Variants in GABRA3 observed in about 807,000 individuals in gnomAD.
GABRA3 encodes gamma-aminobutyric acid type A receptor subunit alpha3, also known as gamma-aminobutyric acid receptor subunit alpha-3.
In GABRA3, 10 loss-of-function variants were observed where a neutral mutation model predicts 30.1. The observed-to-expected ratio is 0.33, with a 90% CI of 0.20 to 0.56. The LOEUF is 0.56. Among genes scored for constraint, GABRA3 ranks in the 20% least tolerant of loss-of-function variants. GABRA3 has a pLI of 0.89. For synonymous variants in GABRA3, 151 were observed against 146.8 expected (o/e 1.03, Z -0.21); for missense variants, 233 against 392.0 (o/e 0.59, Z 3.42).
chrX:152,394,339 T>C, intron 1 of GABRA3: 1 of 365,621 alleles, frequency 2.7e-6, no homozygotes, highest in Non-Finnish European at 5.6e-6. Flanking sequence ...CTGACAGACA[T>C]GATACCAGAT....
chrX:152,412,184 G>C (rs190480435), intron 1 of GABRA3, among the ~76,000 whole-genome samples: 1 of 111,718 alleles, frequency 9.0e-6, no homozygotes, highest in Non-Finnish European at 1.9e-5. Context: ...TGTTCATAAA[G>C]ATATGGAAAG....
At chrX:152,299,182 CA>C (rs778558322) in intron 3 of GABRA3, among the ~76,000 whole-genome samples, 8 of 109,604 alleles carry the variant, frequency 7.3e-5, no homozygotes, top group South Asian at 3.9e-4. Context: ...GAAAAAGAAA[CA>C]AAAAAAAGGA....
At chrX:152,284,291 G>A (rs1190366754) in intron 4 of GABRA3, among the ~76,000 whole-genome samples, 1 of 111,637 alleles carries the variant, frequency 9.0e-6, no homozygotes, top group Admixed American at 9.6e-5. Flanking sequence ...ACCACCAGCT[G>A]CTTTACTGAG....
chrX:152,335,189 C>T lies in GABRA3; in HGVS notation c.262+10392G>A, dbSNP rs371522800. 6.3e-5 allele frequency among the ~76,000 whole-genome samples: 7 copies of T among 111,315 alleles called. No individual in the cohort carries two copies. In the South Asian group the frequency reaches 2.7e-3, roughly 42 times the overall value. ...TGCTCAAAAATGCAAGCTGAGGAGA[C>T]CTGGGGCCACTGCCATCACCCCTCT... On this transcript the variant is annotated intron_variant, in intron 3 of 9. Transcript: ENST00000370314.
At chrX:152,400,212 G>C (rs1200504507) in intron 1 of GABRA3, among the ~76,000 whole-genome samples, 1 of 111,494 alleles carries the variant, frequency 9.0e-6, no homozygotes, top group African/African-American at 3.3e-5. Flanking sequence ...GCTGGGCACA[G>C]TGGCTCACTC....
chrX:152,311,920 C>A (rs1939805066), intron 3 of GABRA3, among the ~76,000 whole-genome samples: 1 of 110,817 alleles, frequency 9.0e-6, no homozygotes, highest in African/African-American at 3.3e-5. Context: ...CAAAAGCATC[C>A]AAGCTGAAAG....
intron 1 of GABRA3, among the ~76,000 whole-genome samples, chrX:152,390,015 T>G (rs1448512048): frequency 9.0e-6 from 1 of 111,336 alleles, no homozygotes; most frequent in East Asian, 2.8e-4. Context: ...GGAACAAAGA[T>G]TTGGGGGCAA....
chrX:152,332,399 G>T (rs1940176978), intron 3 of GABRA3, among the ~76,000 whole-genome samples: 1 of 111,787 alleles, frequency 8.9e-6, no homozygotes. Context: ...GAGAGGTTAT[G>T]CCCTTTCTGT....
At chrX:152,226,041 T>C (rs1365556928) in intron 5 of GABRA3, among the ~76,000 whole-genome samples, 1 of 111,275 alleles carries the variant, frequency 9.0e-6, no homozygotes, top group Non-Finnish European at 1.9e-5. Context: ...GCCTCACTTC[T>C]ATGCAATTAC....
chrX:152,347,353 G>A (rs750546227), intron 2 of GABRA3, among the ~76,000 whole-genome samples: 1 of 111,749 alleles, frequency 8.9e-6, no homozygotes, highest in South Asian at 3.8e-4. Context: ...AAGGATAGTG[G>A]AGTGGTTGAG....
intron 1 of GABRA3, among the ~76,000 whole-genome samples, chrX:152,433,324 G>A (rs1930695114): frequency 9.2e-6 from 1 of 108,813 alleles, no homozygotes. Context: ...CTTAACATAA[G>A]GATCTTAAAA....
intron 5 of GABRA3, among the ~76,000 whole-genome samples, chrX:152,241,593 C>T (rs1478713071): frequency 9.1e-6 from 1 of 109,417 alleles, no homozygotes; most frequent in Non-Finnish European, 1.9e-5. Context: ...GGCGGGCGCC[C>T]CTCCCCCAGC....
intron 2 of GABRA3, among the ~76,000 whole-genome samples, chrX:152,357,319 C>G (rs544261323): frequency 9.0e-6 from 1 of 111,649 alleles, no homozygotes; most frequent in Non-Finnish European, 1.9e-5. Flanking sequence ...AATAGCCATT[C>G]GGACTGATAT....
intron 8 of GABRA3, among the ~76,000 whole-genome samples, chrX:152,190,266 A>C (rs1264425215): frequency 9.1e-6 from 1 of 110,228 alleles, no homozygotes; most frequent in African/African-American, 3.3e-5. Context: ...TAGAAAAAAA[A>C]AAACTAGCTC....
chrX:152,420,448 CA>C (rs1340943865), intron 1 of GABRA3, among the ~76,000 whole-genome samples: 3 of 110,607 alleles, frequency 2.7e-5, no homozygotes, highest in Non-Finnish European at 5.7e-5. Flanking sequence ...TTAAATACCA[CA>C]AAAAAATTTA....
intron 3 of GABRA3, among the ~76,000 whole-genome samples, chrX:152,296,792 T>G (rs961852614): frequency 2.7e-5 from 3 of 109,275 alleles, no homozygotes; most frequent in Non-Finnish European, 5.7e-5. Flanking sequence ...CTCCATCTCC[T>G]GGGCTCAAGC....
At chrX:152,209,440 T>C (rs1427087316) in intron 6 of GABRA3, among the ~76,000 whole-genome samples, 1 of 111,550 alleles carries the variant, frequency 9.0e-6, no homozygotes, top group Non-Finnish European at 1.9e-5. Flanking sequence ...GCATACTGTA[T>C]ACCCTTTTCC....
At chrX:152,202,120 G>C (rs1937491881) in intron 7 of GABRA3, among the ~76,000 whole-genome samples, 1 of 111,695 alleles carries the variant, frequency 9.0e-6, no homozygotes, top group African/African-American at 3.3e-5. Context: ...TGAATCTGGA[G>C]CAAAGAGCAG....
At chrX:152,413,828 T>C (rs759544141) in intron 1 of GABRA3, among the ~76,000 whole-genome samples, 2 of 109,867 alleles carry the variant, frequency 1.8e-5, no homozygotes, top group South Asian at 7.7e-4. Flanking sequence ...GCCTACAGAA[T>C]GGAAGGAAAG....
Sources: gnomAD v4.1 joint callset for allele counts (sites outside exome capture counted in the v4.1 genomes callset) on GRCh38, gnomAD v4.1.1 for gene constraint, MANE v1.5 for transcripts, NCBI Gene and HGNC (gene_info 2026-07-23, HGNC 2026-07-21) for gene names.